The following PLEKHA7 variants were observed in gnomAD, a reference collection of about 807,000 sequenced individuals.
The protein encoded by PLEKHA7 is pleckstrin homology domain-containing family A member 7.
A neutral mutation model predicts 170.0 loss-of-function variants in PLEKHA7; 104 were observed. That is an observed-to-expected ratio of 0.61 (90% CI 0.52 to 0.72). PLEKHA7 has a LOEUF of 0.72. Among genes scored for constraint, PLEKHA7 ranks in the 30% least tolerant of loss-of-function variants. PLEKHA7 has a pLI of 0.00. For missense variants in PLEKHA7, 1,615 were observed against 1,671.7 expected, an observed-to-expected ratio of 0.97 and a Z score of 0.59; for synonymous variants, 648 against 660.8, an observed-to-expected ratio of 0.98 and a Z score of 0.30.
rs1378209882 is a variant in PLEKHA7, at chr11:16,783,765, G to T, written c.3585C>A (p.Ser1195Arg). 2.6e-6 allele frequency: 4 copies of T among 1,515,408 alleles called. No individual in the cohort carries two copies. The highest frequency in any genetic ancestry group is 3.5e-6 in the Non-Finnish European group (4 of 1,137,114). 93.9% of individuals were successfully genotyped at this position (1,515,408 alleles called of 1,614,324 possible). A position where few individuals can be genotyped will look rare whatever the true frequency, so the allele number is the denominator to read the frequency against. ...YVELDPEEPPSLEELQARYRK... is the reference protein window; with the variant it reads ...YVELDPEEPPRLEELQARYRK... ...GGTACCGCGCCTGCAGCTCCTCAAG[G>T]CTGGGTGGCTCTTCGGGATCTAGCT... The change falls in exon 25 of 27, where the codon AGC becomes AGA. Residue 1195 changes from serine to arginine, a missense_variant. Transcript: ENST00000531066.
chr11:16,786,267 G>C lies in PLEKHA7; in HGVS notation c.3478C>G (p.Leu1160Val). ...VQAMPVTELD[L>V]EPQDYDLDIS... ...TCCAAGTCATAGTCTTGAGGCTCCAGGTCCAACTCAGTGACAGGCATGGCC... is the reference window on the plus strand; with the variant it reads ...TCCAAGTCATAGTCTTGAGGCTCCACGTCCAACTCAGTGACAGGCATGGCC... Residue 1160 changes from leucine (L) to valine (V), a missense_variant, in exon 24 of 27, where the codon CTG becomes GTG. By Grantham distance (32) the Leu-to-Val change is conservative. Transcript: ENST00000531066. 6.5e-7 allele frequency: 1 copy of C among 1,536,144 alleles called. No individual in the cohort carries two copies. Among genetic ancestry groups the C allele is most frequent in the Non-Finnish European group, 8.7e-7 (1 of 1,146,912 alleles).
intron 3 of PLEKHA7, among the ~76,000 whole-genome samples, chr11:16,948,278 TAAC>T (rs1861177152): frequency 6.6e-6 from 1 of 152,142 alleles, no homozygotes; most frequent in African/African-American, 2.4e-5. Flanking sequence ...GTACAGTAAA[TAAC>T]AATATATCGT....
At chr11:16,891,790 A>G (rs1385686298) in intron 3 of PLEKHA7, among the ~76,000 whole-genome samples, 2 of 152,240 alleles carry the variant, frequency 1.3e-5, no homozygotes, top group Non-Finnish European at 2.9e-5. Context: ...CAGGAGAGAC[A>G]GACCAGGGCT....
intron 25 of PLEKHA7, 65 bp downstream of exon 25, chr11:16,783,635 C>G: frequency 7.5e-7 from 1 of 1,326,896 alleles, no homozygotes; most frequent in Non-Finnish European, 9.6e-7. Flanking sequence ...GCCCAGGGCC[C>G]ACATGGTAGA....
At chr11:16,798,378 T>A (rs1371583426) in intron 17 of PLEKHA7, among the ~76,000 whole-genome samples, 2 of 152,018 alleles carry the variant, frequency 1.3e-5, no homozygotes, top group African/African-American at 4.8e-5. Context: ...CAGGCTGGCC[T>A]ATCTGAGAGT....
intron 17 of PLEKHA7, among the ~76,000 whole-genome samples, chr11:16,798,530 A>C (rs2134341560): frequency 6.6e-6 from 1 of 152,362 alleles, no homozygotes; most frequent in East Asian, 1.9e-4. Context: ...AGGCACAGTA[A>C]AGACACAAAT....
At chr11:16,938,392 G>A (rs181477016) in intron 3 of PLEKHA7, among the ~76,000 whole-genome samples, 3 of 152,168 alleles carry the variant, frequency 2.0e-5, no homozygotes, top group Admixed American at 2.0e-4. Context: ...ATGCCCCAAC[G>A]AGTAGCTTTC....
chr11:16,962,343 C>T (rs1311779001), intron 3 of PLEKHA7, among the ~76,000 whole-genome samples: 1 of 152,170 alleles, frequency 6.6e-6, no homozygotes, highest in Non-Finnish European at 1.5e-5. Flanking sequence ...GGCGACCAGT[C>T]AATGAGCAGT....
Position 16,791,124 on chromosome 11 carries a change from G to T in PLEKHA7, c.2821C>A (p.Leu941Met). Residue 941 changes from leucine (L) to methionine (M), a missense_variant, in exon 20 of 27, where the codon CTG becomes ATG. Leu to Met is a conservative substitution (Grantham distance 15). Transcript: ENST00000531066. This position sits in a 1 kb window ranked among gnomAD's most constrained non-coding sequence, Gnocchi z 4.5. ...PEDQPPAVPPLPREATIIRHT... is the reference protein window; with the variant it reads ...PEDQPPAVPPMPREATIIRHT... The stretch of plus-strand genomic sequence containing the variant: ...CGGATGATGGTGGCCTCTCTTGGCA[G>T]AGGCGGCACAGCCGGGGGCTGGTCC... 1 of 1,614,134 alleles carries T rather than the reference G, an allele frequency of 6.2e-7. No homozygotes were observed. Among genetic ancestry groups the T allele is most frequent in the South Asian group, 1.1e-5 (1 of 91,076 alleles).
intron 10 of PLEKHA7, among the ~76,000 whole-genome samples, chr11:16,821,740 T>C (rs866185553): frequency 6.6e-6 from 1 of 152,248 alleles, no homozygotes; most frequent in Non-Finnish European, 1.5e-5. Context: ...AATCTGGGAC[T>C]ATAAGAGGCA....
intron 3 of PLEKHA7, among the ~76,000 whole-genome samples, chr11:16,886,323 T>C (rs534225799): frequency 6.6e-6 from 1 of 152,278 alleles, no homozygotes; most frequent in African/African-American, 2.4e-5. Context: ...GTCCACATCA[T>C]AGATAAGGAA....
intron 3 of PLEKHA7, among the ~76,000 whole-genome samples, chr11:16,896,818 C>G (rs1857022824): frequency 6.6e-6 from 1 of 152,194 alleles, no homozygotes; most frequent in Non-Finnish European, 1.5e-5. Context: ...GTCTCAGTAT[C>G]TTTGCACACA....
At chr11:16,873,108 C>T (rs1390808794) in intron 3 of PLEKHA7, among the ~76,000 whole-genome samples, 1 of 152,136 alleles carries the variant, frequency 6.6e-6, no homozygotes, top group Non-Finnish European at 1.5e-5. Context: ...GTTCCTAGTA[C>T]AGAGAGTTAA....
chr11:16,834,649 A>G (rs1227562705), intron 9 of PLEKHA7, among the ~76,000 whole-genome samples: 1 of 152,228 alleles, frequency 6.6e-6, no homozygotes, highest in East Asian at 1.9e-4. Flanking sequence ...TAAGCTGTAA[A>G]TGCCAAATAA....
chr11:16,963,081 AC>A (rs1486698342), intron 3 of PLEKHA7, among the ~76,000 whole-genome samples: 2 of 152,134 alleles, frequency 1.3e-5, no homozygotes, highest in African/African-American at 4.8e-5. Context: ...CCACTCCTTG[AC>A]CCAGGATGTA....
At chr11:16,795,099 G>C in intron 17 of PLEKHA7, 81 bp from the exon 18 acceptor site, 1 of 1,028,670 alleles carries the variant, frequency 9.7e-7, no homozygotes. Flanking sequence ...ATTTCAGACA[G>C]AGCCCCCCGC....
Position 16,829,847 on chromosome 11 carries a change from TTTC to T in PLEKHA7, c.873-3260_873-3258del, listed in dbSNP as rs869091452. On this transcript the variant is annotated intron_variant, in intron 9 of 26. Coordinates refer to ENST00000531066, the MANE Select transcript of PLEKHA7 (RefSeq NM_001329630.2). ...TGTTCCACAATGTACATATGACAGG[TTTC>T]TTTTTTCTTTTTTCTTTTTTTCACA... Among the ~76,000 whole-genome samples the T allele has an allele frequency of 8.9e-4, 97 of 108,754 alleles. 1 individual carries two copies. Among genetic ancestry groups the T allele is most frequent in the African/African-American group, 2.9e-3 (94 of 32,132 alleles). The allele number at this position is 108,754 out of a possible 152,430, so 71.3% of individuals were successfully genotyped here.
intron 9 of PLEKHA7, among the ~76,000 whole-genome samples, chr11:16,827,737 G>A (rs1251686632): frequency 1.3e-5 from 2 of 150,852 alleles, no homozygotes; most frequent in East Asian, 2.0e-4. Context: ...AGGGAGGCAA[G>A]AGAACTTGCT....
At chr11:16,961,044 C>T (rs911798717) in intron 3 of PLEKHA7, among the ~76,000 whole-genome samples, 2 of 152,210 alleles carry the variant, frequency 1.3e-5, no homozygotes, top group East Asian at 1.9e-4. Context: ...GCCACTGCCC[C>T]GTGCCCAAGA....
Sources: gnomAD v4.1 joint callset for allele counts (sites outside exome capture counted in the v4.1 genomes callset) on GRCh38, gnomAD v4.1.1 for gene constraint, Gnocchi (gnomAD v3.1) non-coding constraint, MANE v1.5 for transcripts, NCBI Gene and HGNC (gene_info 2026-07-23, HGNC 2026-07-21) for gene names.